The following ZNF280D variants were observed in gnomAD, a reference collection of about 807,000 sequenced individuals.
ZNF280D encodes suppressor of hairy wing homolog 4.
Under a neutral mutation model 94.7 loss-of-function variants are expected in ZNF280D, and 39 were observed. The ratio of observed to expected loss-of-function variants is 0.41; its 90% CI spans 0.32 to 0.54. The LOEUF (loss-of-function observed/expected upper bound fraction) is 0.54, where lower values mean the gene tolerates loss of function less well. Among genes scored for constraint, ZNF280D ranks in the 20% least tolerant of loss-of-function variants. ZNF280D has a pLI of 0.22. For missense variants in ZNF280D, 1,090 were observed against 1,149.3 expected (o/e 0.95, Z 0.75); for synonymous variants, 398 against 377.6 (o/e 1.05, Z -0.63).
At chr15:56,645,953 G>C (rs894465059) in intron 19 of ZNF280D, among the ~76,000 whole-genome samples, 2 of 152,098 alleles carry the variant, frequency 1.3e-5, no homozygotes, top group African/African-American at 4.8e-5. Context: ...ACTATAAGGG[G>C]AAAAATATTC....
chr15:56,733,328 G>C, intron 1 of ZNF280D, 130 bp downstream of exon 1: 1 of 427,050 alleles, frequency 2.3e-6, no homozygotes, highest in Non-Finnish European at 3.1e-6. Context: ...CCGCGCTCTG[G>C]GCGCTCCCGA....
chr15:56,668,672 G>A (rs1241231877), intron 14 of ZNF280D, 151 bp downstream of exon 14: 2 of 686,834 alleles, frequency 2.9e-6, no homozygotes, highest in Admixed American at 7.3e-5. Flanking sequence ...ATGGTTAGAA[G>A]TTTTTCCTTC....
At chr15:56,644,452 AAATT>A (rs781322394) in intron 19 of ZNF280D, among the ~76,000 whole-genome samples, 16 of 152,264 alleles carry the variant, frequency 1.1e-4, no homozygotes, top group Non-Finnish European at 2.2e-4. Flanking sequence ...ATGAAAAAGC[AAATT>A]AATGAAGTTT....
intron 19 of ZNF280D, among the ~76,000 whole-genome samples, chr15:56,650,265 T>C (rs1265060001): frequency 2.0e-5 from 3 of 152,152 alleles, no homozygotes; most frequent in African/African-American, 7.2e-5. Flanking sequence ...ATGAGCCATG[T>C]AGTTACTACT....
At chr15:56,645,722 T>G (rs2052852313) in intron 19 of ZNF280D, among the ~76,000 whole-genome samples, 2 of 152,098 alleles carry the variant, frequency 1.3e-5, no homozygotes, top group South Asian at 4.1e-4. Flanking sequence ...AATTTTTGTA[T>G]TTTTAGTAGA....
At chr15:56,661,781 T>A (rs2053959691) in intron 16 of ZNF280D, among the ~76,000 whole-genome samples, 1 of 152,194 alleles carries the variant, frequency 6.6e-6, no homozygotes, top group Admixed American at 6.5e-5. Context: ...CCAATCCTAA[T>A]AATGACAACT....
intron 20 of ZNF280D, 48 bp from the exon 21 acceptor site, chr15:56,635,298 A>G (rs1365232464): frequency 8.8e-7 from 1 of 1,135,284 alleles, no homozygotes. Flanking sequence ...GTTAATCTTA[A>G]AACTATTTTT....
At chr15:56,713,340 A>T (rs1043482910) in intron 1 of ZNF280D, among the ~76,000 whole-genome samples, 1 of 152,158 alleles carries the variant, frequency 6.6e-6, no homozygotes, top group Non-Finnish European at 1.5e-5. Context: ...TTCTATCTAT[A>T]AAAAAACTAA....
At chr15:56,712,344 AG>A (rs2057802855) in intron 1 of ZNF280D, among the ~76,000 whole-genome samples, 1 of 152,160 alleles carries the variant, frequency 6.6e-6, no homozygotes, top group African/African-American at 2.4e-5. Flanking sequence ...ATTTCTATTA[AG>A]AAAAAAACGT....
chr15:56,649,578 C>T (rs1402081084), intron 19 of ZNF280D, among the ~76,000 whole-genome samples: 1 of 151,160 alleles, frequency 6.6e-6, no homozygotes, highest in Non-Finnish European at 1.5e-5. Flanking sequence ...AAGAAGGAAA[C>T]AAGCCCAAAA....
At chr15:56,732,534 G>A (rs1391739612) in intron 1 of ZNF280D, 1 of 152,052 alleles carries the variant, frequency 6.6e-6, no homozygotes, top group African/African-American at 2.4e-5. Context: ...TCCATTTTAT[G>A]TTTCATGGCA....
intron 7 of ZNF280D, among the ~76,000 whole-genome samples, chr15:56,691,849 C>T (rs996047192): frequency 3.3e-5 from 5 of 152,018 alleles, no homozygotes; most frequent in African/African-American, 9.7e-5. Flanking sequence ...GTTACATGTC[C>T]AAATGAATGG....
At chr15:56,652,991 G>GAA in intron 19 of ZNF280D, 1 of 927,112 alleles carries the variant, frequency 1.1e-6, no homozygotes, top group Non-Finnish European at 1.3e-6. Flanking sequence ...TAAATTTTGA[G>GAA]AACATAAAAC....
intron 16 of ZNF280D, among the ~76,000 whole-genome samples, chr15:56,664,744 G>A (rs1299295395): frequency 6.6e-6 from 1 of 152,110 alleles, no homozygotes; most frequent in African/African-American, 2.4e-5. Flanking sequence ...AATCAGAGTT[G>A]ACTAAATCAA....
intron 1 of ZNF280D, among the ~76,000 whole-genome samples, chr15:56,725,797 T>C (rs1425789962): frequency 6.6e-6 from 1 of 151,934 alleles, no homozygotes; most frequent in Non-Finnish European, 1.5e-5. Context: ...TTTTAAACTG[T>C]TGGGGAATAT....
intron 6 of ZNF280D, 144 bp from the exon 7 acceptor site, chr15:56,693,359 T>C (rs1315516596): frequency 1.3e-5 from 3 of 223,706 alleles, no homozygotes; most frequent in African/African-American, 4.6e-5. Context: ...ATGCCCAATA[T>C]TCTAAGGAAA....
At chr15:56,691,823 T>C (rs769330888) in intron 7 of ZNF280D, among the ~76,000 whole-genome samples, 3 of 152,180 alleles carry the variant, frequency 2.0e-5, no homozygotes, top group African/African-American at 7.2e-5. Flanking sequence ...AATCCCTAAG[T>C]AGAGCAAGAA....
At chr15:56,688,253 G>A (rs1372699368) in intron 9 of ZNF280D, among the ~76,000 whole-genome samples, 2 of 152,074 alleles carry the variant, frequency 1.3e-5, no homozygotes, top group Non-Finnish European at 2.9e-5. Flanking sequence ...AGCACTTTAG[G>A]AGGTTGAGGC....
intron 1 of ZNF280D, among the ~76,000 whole-genome samples, chr15:56,714,860 T>C (rs1010090998): frequency 6.6e-6 from 1 of 152,152 alleles, no homozygotes; most frequent in Admixed American, 6.6e-5. Context: ...AAAAATAATA[T>C]ACTTATTTTC....
Sources: allele counts gnomAD v4.1 joint callset (sites outside exome capture counted in the v4.1 genomes callset), GRCh38; gene constraint gnomAD v4.1.1; transcripts MANE v1.5; gene names NCBI Gene and HGNC (gene_info 2026-07-23, HGNC 2026-07-21).